HLCS: variants seen among roughly 807,000 people sequenced by gnomAD.
HLCS encodes biotin--protein ligase.
Under a neutral mutation model 75.0 loss-of-function variants are expected in HLCS, and 53 were observed. That is an observed-to-expected ratio of 0.71 (90% CI 0.57 to 0.89). The LOEUF is 0.89. HLCS is among the 40% of genes least tolerant of loss of function. The pLI, the probability that HLCS is intolerant of heterozygous loss-of-function variation, is 0.00. For synonymous variants in HLCS, 431 were observed against 428.6 expected, an observed-to-expected ratio of 1.01 and a Z score of -0.07; for missense variants, 966 against 1,074.0, an observed-to-expected ratio of 0.90 and a Z score of 1.41.
At chr21:36,941,776 A>G (rs2067152241) in intron 2 of HLCS, among the ~76,000 whole-genome samples, 2 of 152,186 alleles carry the variant, frequency 1.3e-5, no homozygotes, top group South Asian at 4.1e-4. Context: ...AGGCCAAGGC[A>G]GGTGGACTGC....
intron 6 of HLCS, among the ~76,000 whole-genome samples, chr21:36,840,197 A>G (rs147385564): frequency 6.6e-6 from 1 of 152,378 alleles, no homozygotes; most frequent in East Asian, 1.9e-4. Context: ...TACATGAAAT[A>G]GCCATATTGC....
intron 6 of HLCS, among the ~76,000 whole-genome samples, chr21:36,821,733 G>C (rs1197270285): frequency 6.6e-6 from 1 of 152,246 alleles, no homozygotes; most frequent in African/African-American, 2.4e-5. Flanking sequence ...TGAATAGACT[G>C]AAGACTTGTT....
At chr21:36,880,954 T>TTTTGTTTGTTTG (rs146652378) in intron 6 of HLCS, among the ~76,000 whole-genome samples, 11 of 150,094 alleles carry the variant, frequency 7.3e-5, no homozygotes, top group East Asian at 5.9e-4. Context: ...AGCAGAGAGT[T>TTTTGTTTGTTTG]TTTGTTTGTT....
intron 2 of HLCS, among the ~76,000 whole-genome samples, chr21:36,959,200 C>T (rs2068140137): frequency 6.6e-6 from 1 of 152,236 alleles, no homozygotes; most frequent in African/African-American, 2.4e-5. Flanking sequence ...CCTCTTCCTG[C>T]TCCCTGTGCC....
Position 36,754,246 on chromosome 21 carries a change from T to C in HLCS, c.2622A>G (p.Ter874=), listed in dbSNP as rs375809125. 18 of 1,613,744 alleles carry C rather than the reference T, an allele frequency of 1.1e-5. No individual in the cohort carries two copies. The highest frequency in any genetic ancestry group is 1.6e-4 in the Middle Eastern group (1 of 6,068). ...AGCCGCGTCTCGGGGACGCCCGGCA[T>C]TACCGCCGTTTGGGGAGGATGAGGT... The part of the protein sequence containing the change: ...LRNLILPKRR[*] The change falls in exon 11 of 11, where the codon TAA becomes TAG. Residue 874 remains the stop codon, a stop_retained_variant. Transcript: ENST00000674895.
At chr21:36,966,165 C>A (rs1320007569) in intron 1 of HLCS, among the ~76,000 whole-genome samples, 3 of 152,202 alleles carry the variant, frequency 2.0e-5, no homozygotes, top group African/African-American at 7.2e-5. Flanking sequence ...GTCCGGCTGT[C>A]AATCCACAGC....
chr21:36,803,191 C>T (rs1362203335), intron 6 of HLCS, among the ~76,000 whole-genome samples: 1 of 152,168 alleles, frequency 6.6e-6, no homozygotes, highest in Non-Finnish European at 1.5e-5. Flanking sequence ...GGCTGTCTGG[C>T]ACATCTTCTT....
chr21:36,779,353 CTTCT>C (rs1415106785), intron 6 of HLCS, among the ~76,000 whole-genome samples: 1 of 151,850 alleles, frequency 6.6e-6, no homozygotes, highest in African/African-American at 2.4e-5. Flanking sequence ...AGATTCTCAT[CTTCT>C]TTCTCTATCT....
chr21:36,756,894 A>G (rs913498944), intron 9 of HLCS, 139 bp from the exon 10 acceptor site: 27 of 1,526,360 alleles, frequency 1.8e-5, no homozygotes, highest in Non-Finnish European at 2.0e-5. Context: ...GTCTCTAACC[A>G]CTTGAAGAGT....
Position 36,882,620 on chromosome 21 carries a change from C to CT in HLCS, c.1892+14239dup, listed in dbSNP as rs35012674. 4.3e-3 allele frequency among the ~76,000 whole-genome samples: 452 copies of CT among 104,442 alleles called. 2 individuals are homozygous for CT. Among genetic ancestry groups the CT allele is most frequent in the Non-Finnish European group, 6.3e-3 (344 of 54,288 alleles). 68.5% of individuals were successfully genotyped at this position (104,442 alleles called of 152,430 possible). On this transcript the variant is annotated intron_variant, in intron 6 of 10. Transcript: ENST00000674895. ...CACGCCTGGCTAATTTTCTTTCTTT[C>CT]TTTTTTTTTTTTTTTTTTTTTTAGT...
chr21:36,774,778 G>C (rs2060307224), intron 6 of HLCS, among the ~76,000 whole-genome samples: 1 of 152,108 alleles, frequency 6.6e-6, no homozygotes, highest in Non-Finnish European at 1.5e-5. Context: ...CCAGTTCTAG[G>C]GTCTCTGAAC....
chr21:36,832,771 A>G (rs2062257476), intron 6 of HLCS, among the ~76,000 whole-genome samples: 1 of 152,228 alleles, frequency 6.6e-6, no homozygotes, highest in Non-Finnish European at 1.5e-5. Flanking sequence ...ATATCATGCT[A>G]ATTCAAGAGT....
chr21:36,769,429 A>C (rs2090152678), intron 6 of HLCS, among the ~76,000 whole-genome samples: 1 of 152,242 alleles, frequency 6.6e-6, no homozygotes, highest in African/African-American at 2.4e-5. Flanking sequence ...AGTTTGCTTT[A>C]GCAGAAAGGA....
intron 8 of HLCS, among the ~76,000 whole-genome samples, chr21:36,760,068 TC>T (rs2089770661): frequency 6.6e-6 from 1 of 152,150 alleles, no homozygotes; most frequent in Admixed American, 6.5e-5. Flanking sequence ...CCAGCATTCT[TC>T]CCCATCCCCC....
At chr21:36,925,183 C>G (rs2066346941) in intron 5 of HLCS, among the ~76,000 whole-genome samples, 2 of 152,106 alleles carry the variant, frequency 1.3e-5, no homozygotes, top group South Asian at 4.1e-4. Context: ...TTCCATAACT[C>G]CCCACTACCA....
At chr21:36,815,845 G>GTAAGACATAT (rs2061649527) in intron 6 of HLCS, among the ~76,000 whole-genome samples, 1 of 151,958 alleles carries the variant, frequency 6.6e-6, no homozygotes, top group Non-Finnish European at 1.5e-5. Flanking sequence ...ACCGGTTCCT[G>GTAAGACATAT]GATACCTTTG....
chr21:36,874,233 T>C (rs1211094581), intron 6 of HLCS, among the ~76,000 whole-genome samples: 2 of 152,064 alleles, frequency 1.3e-5, no homozygotes, highest in Non-Finnish European at 2.9e-5. Flanking sequence ...AAACCCCGTC[T>C]CTACTAAAAA....
chr21:36,774,636 A>G (rs1056389520), intron 6 of HLCS, among the ~76,000 whole-genome samples: 6 of 152,140 alleles, frequency 3.9e-5, no homozygotes, highest in African/African-American at 1.4e-4. Context: ...CTCCTCAAAA[A>G]TTCTATACGT....
chr21:36,780,051 C>T (rs1028970233), intron 6 of HLCS, among the ~76,000 whole-genome samples: 1 of 152,128 alleles, frequency 6.6e-6, no homozygotes, highest in Non-Finnish European at 1.5e-5. Flanking sequence ...TCCTTGTCTT[C>T]CTTACAGAAA....
Sources: gnomAD v4.1 joint callset for allele counts (sites outside exome capture counted in the v4.1 genomes callset) on GRCh38, gnomAD v4.1.1 for gene constraint, MANE v1.5 for transcripts, NCBI Gene and HGNC (gene_info 2026-07-23, HGNC 2026-07-21) for gene names.